The following TMEM248 variants were observed in gnomAD, a reference collection of about 807,000 sequenced individuals.
TMEM248 encodes transmembrane protein 248.
A neutral mutation model predicts 30.3 loss-of-function variants in TMEM248; 9 were observed. The observed-to-expected ratio is 0.30, with a 90% CI of 0.18 to 0.52. The LOEUF is 0.52. TMEM248 is among the 20% of genes least tolerant of loss of function. The probability of loss-of-function intolerance (pLI) is 0.97; values close to 1 mark genes in which losing one functional copy is unlikely to be tolerated. For synonymous variants in TMEM248, 184 were observed against 154.4 expected (o/e 1.19, Z -1.42); for missense variants, 338 against 403.3 (o/e 0.84, Z 1.39).
chr7:66,948,627 T>A lies in TMEM248; in HGVS notation c.529T>A (p.Cys177Ser). 1.2e-6 allele frequency: 2 copies of A among 1,614,138 alleles called. No individual in the cohort carries two copies. Among genetic ancestry groups the A allele is most frequent in the Non-Finnish European group, 1.7e-6 (2 of 1,179,970 alleles). The change falls in exon 4 of 7, where the codon TGT (cysteine) becomes AGT (serine). Residue 177 changes from cysteine (C) to serine (S), a missense_variant. Coordinates refer to ENST00000341567, the MANE Select transcript of TMEM248 (RefSeq NM_017994.5). Reference sequence around the variant, plus strand: ...AGATGACTGCGCCCTCCACGGTCACTGTGAGCAGGTGGTATTCACAGCCTG... The same window carrying A: ...AGATGACTGCGCCCTCCACGGTCACAGTGAGCAGGTGGTATTCACAGCCTG... ...SSDDCALHGH[C>S]EQVVFTACMT... is the part of the protein sequence containing the mutation.
chr7:66,938,866 T>A (rs1791873405), intron 1 of TMEM248, among the ~76,000 whole-genome samples: 1 of 152,190 alleles, frequency 6.6e-6, no homozygotes, highest in Admixed American at 6.5e-5. Flanking sequence ...AACCCAGACT[T>A]GGATTAATTA....
intron 1 of TMEM248, among the ~76,000 whole-genome samples, chr7:66,927,671 G>A (rs1175355580): frequency 6.7e-6 from 1 of 149,496 alleles, no homozygotes; most frequent in African/African-American, 2.5e-5. Context: ...TGTCCAGGCT[G>A]GTCTCGAACT....
In TMEM248 at chr7:66,921,433, C is replaced by G. The variant is rs1354980308; in HGVS notation, c.-47C>G. ...GCCGAGCAGCTGGCCCGGCTGGGCC[C>G]GGGGCGCGCAGCTGCCCGCCGGGGC... On this transcript the variant is annotated 5_prime_UTR_variant, in exon 1 of 7. Transcript: ENST00000341567. The G allele has an allele frequency of 6.7e-6, 1 of 150,042 alleles. No homozygotes were observed. The highest frequency in any genetic ancestry group is 1.5e-5 in the Non-Finnish European group (1 of 67,370). The allele number at this position is 150,042 out of a possible 1,614,324, so 9.3% of individuals were successfully genotyped here.
intron 1 of TMEM248, among the ~76,000 whole-genome samples, chr7:66,935,266 T>C (rs1405009149): frequency 2.0e-5 from 3 of 151,846 alleles, no homozygotes; most frequent in Non-Finnish European, 4.4e-5. Context: ...CACTGCAACC[T>C]CCACCTCCTG....
At chr7:66,926,673 A>G (rs1053056584) in intron 1 of TMEM248, among the ~76,000 whole-genome samples, 1 of 151,920 alleles carries the variant, frequency 6.6e-6, no homozygotes, top group Non-Finnish European at 1.5e-5. Context: ...AGAAAAATGG[A>G]CAAAGAACCT....
intron 3 of TMEM248, among the ~76,000 whole-genome samples, chr7:66,946,154 C>G (rs1426999508): frequency 1.3e-5 from 2 of 151,180 alleles, no homozygotes; most frequent in African/African-American, 4.9e-5. Flanking sequence ...CCCAGCTACT[C>G]AGGAGGCTGA....
chr7:66,944,820 G>C (rs1391989926), intron 2 of TMEM248, among the ~76,000 whole-genome samples, 156 bp from the exon 3 acceptor site: 2 of 152,212 alleles, frequency 1.3e-5, no homozygotes, highest in Non-Finnish European at 2.9e-5. Context: ...TGCCTGTGAA[G>C]AGGGTGGTGG....
chr7:66,948,450 C>G (rs993559779), intron 3 of TMEM248, 94 bp from the exon 4 acceptor site: 18 of 1,447,968 alleles, frequency 1.2e-5, no homozygotes, highest in Middle Eastern at 1.8e-4. Flanking sequence ...ATAGATGATT[C>G]CTGTGTGGGT....
chr7:66,936,552 G>T (rs533938821), intron 1 of TMEM248, among the ~76,000 whole-genome samples: 1 of 152,028 alleles, frequency 6.6e-6, no homozygotes, highest in Admixed American at 6.6e-5. Context: ...TTGGTATCAG[G>T]GTGATACTGG....
chr7:66,927,456 A>G (rs1421730030), intron 1 of TMEM248, among the ~76,000 whole-genome samples: 1 of 148,800 alleles, frequency 6.7e-6, no homozygotes, highest in Non-Finnish European at 1.5e-5. Context: ...TTTTTTTGAG[A>G]CAAGGTTTCT....
At chr7:66,930,851 A>C (rs1404579048) in intron 1 of TMEM248, 1 of 152,634 alleles carries the variant, frequency 6.6e-6, no homozygotes, top group African/African-American at 2.4e-5. Context: ...GAGAAATGCT[A>C]CTTTCTGCTA....
At chr7:66,932,039 C>T (rs1339928523) in intron 1 of TMEM248, among the ~76,000 whole-genome samples, 2 of 150,148 alleles carry the variant, frequency 1.3e-5, no homozygotes, top group Admixed American at 1.3e-4. Context: ...CTCCTGACCT[C>T]ATGATCCACC....
chr7:66,939,782 G>T (rs1162498048), intron 1 of TMEM248, among the ~76,000 whole-genome samples: 1 of 149,512 alleles, frequency 6.7e-6, no homozygotes, highest in Non-Finnish European at 1.5e-5. Flanking sequence ...ACCAAGGAAG[G>T]TGTGCAAAAT....
At position 66,941,893 on chromosome 7, in the gene TMEM248, C is replaced by T. The variant is rs762864279; in HGVS notation, c.28C>T (p.Leu10=). The T allele has an allele frequency of 6.2e-7, 1 of 1,614,100 alleles. No individual in the cohort carries two copies. Among genetic ancestry groups the T allele is most frequent in the Non-Finnish European group, 8.5e-7 (1 of 1,180,008 alleles). The change falls in exon 2 of 7, where the codon CTG becomes TTG. Residue 10 remains leucine, a synonymous_variant. Coordinates refer to ENST00000341567, the MANE Select transcript of TMEM248 (RefSeq NM_017994.5). The part of the protein sequence containing the change: MFSINPLEN[L]KVYISSRPPL... Reference sequence around the variant, plus strand: ...GTTCAGCATCAACCCCCTGGAGAACCTGAAGGTGTACATCAGCAGTCGGCC... The same window carrying T: ...GTTCAGCATCAACCCCCTGGAGAACTTGAAGGTGTACATCAGCAGTCGGCC...
chr7:66,952,879 C>T (rs1792305035), intron 5 of TMEM248, among the ~76,000 whole-genome samples: 1 of 152,096 alleles, frequency 6.6e-6, no homozygotes, highest in Non-Finnish European at 1.5e-5. Context: ...GAGGATGTGT[C>T]CAGAAAGGAG....
rs1409201550 is a variant in TMEM248, at chr7:66,957,081, TCTTA to T, written c.*1562_*1565del. 1.3e-5 allele frequency: 2 copies of T among 152,662 alleles called. No homozygotes were observed. Among genetic ancestry groups the T allele is most frequent in the African/African-American group, 4.8e-5 (2 of 41,456 alleles). 9.5% of individuals were successfully genotyped at this position (152,662 alleles called of 1,614,324 possible). A position where few individuals can be genotyped will look rare whatever the true frequency, so the allele number is the denominator to read the frequency against. ...TATCTTTTCCAGTCCTTTCTTGTAT[TCTTA>T]CTGTTTTTTTAAAATAACTTTTTGC... On this transcript the variant is annotated 3_prime_UTR_variant, in exon 7 of 7. Coordinates refer to ENST00000341567, the MANE Select transcript of TMEM248 (RefSeq NM_017994.5).
At chr7:66,946,089 A>AC (rs1792096408) in intron 3 of TMEM248, among the ~76,000 whole-genome samples, 1 of 151,046 alleles carries the variant, frequency 6.6e-6, no homozygotes, top group Admixed American at 6.6e-5. Context: ...TCTCTCCAAA[A>AC]AAAAAAAAAA....
At position 66,958,461 on chromosome 7, in the gene TMEM248, A is replaced by T. The variant is rs1310535912; in HGVS notation, c.*2939A>T. The T allele has an allele frequency of 6.6e-6, 1 of 152,660 alleles. No individual in the cohort carries two copies. Among genetic ancestry groups the T allele is most frequent in the Admixed American group, 6.6e-5 (1 of 15,258 alleles). 9.5% of individuals were successfully genotyped at this position (152,660 alleles called of 1,614,324 possible). A position where few individuals can be genotyped will look rare whatever the true frequency, so the allele number is the denominator to read the frequency against. ...CACCTCTTGCTGCATGATGGTCAGTAGCTGATCTGTTATGGCATTCACTTC... is the reference window on the plus strand; with the variant it reads ...CACCTCTTGCTGCATGATGGTCAGTTGCTGATCTGTTATGGCATTCACTTC... On this transcript the variant is annotated 3_prime_UTR_variant, in exon 7 of 7. Coordinates refer to ENST00000341567, the MANE Select transcript of TMEM248 (RefSeq NM_017994.5).
intron 1 of TMEM248, among the ~76,000 whole-genome samples, chr7:66,922,719 T>A (rs1269064639): frequency 6.6e-6 from 1 of 152,184 alleles, no homozygotes; most frequent in Non-Finnish European, 1.5e-5. Flanking sequence ...ATATATATGT[T>A]TTTGAGACAG....
Sources: gnomAD v4.1 joint callset for allele counts (sites outside exome capture counted in the v4.1 genomes callset) on GRCh38, gnomAD v4.1.1 for gene constraint, MANE v1.5 for transcripts, NCBI Gene and HGNC (gene_info 2026-07-23, HGNC 2026-07-21) for gene names.